The following IL1RAPL2 variants were observed in gnomAD, a reference collection of about 807,000 sequenced individuals.
IL1RAPL2 encodes interleukin 1 receptor accessory protein like 2.
IL1RAPL2 carries 3 observed loss-of-function variants against 44.1 expected under a neutral mutation model. The observed-to-expected ratio is 0.07, with a 90% CI of 0.03 to 0.18. The LOEUF is 0.18. Ranked by LOEUF, IL1RAPL2 falls within the 10% of genes least tolerant of loss-of-function variation. IL1RAPL2 has a pLI of 1.00. For synonymous variants in IL1RAPL2, 181 were observed against 178.8 expected, an observed-to-expected ratio of 1.01 and a Z score of -0.10; for missense variants, 391 against 496.4, an observed-to-expected ratio of 0.79 and a Z score of 2.02.
rs1391012050 is a variant in IL1RAPL2 at position 104,915,940 on chromosome X, T to A, written c.82+256945T>A. On this transcript the variant is annotated intron_variant, in intron 2 of 10. Coordinates refer to ENST00000372582, the MANE Select transcript of IL1RAPL2 (RefSeq NM_017416.2). ...TCCATTGATCTATATCTCTGTTTTC[T>A]TACCAGTACCATGCTCTTTTGGTTA... Among the ~76,000 whole-genome samples, 3 of 112,097 alleles carry A rather than the reference T, an allele frequency of 2.7e-5. No homozygotes were observed. In the East Asian group the frequency reaches 8.4e-4, roughly 32 times the overall value.
intron 2 of IL1RAPL2, among the ~76,000 whole-genome samples, chrX:105,014,723 A>G (rs2031135904): frequency 8.9e-6 from 1 of 112,421 alleles, no homozygotes; most frequent in African/African-American, 3.2e-5. Flanking sequence ...ATTGATGGGC[A>G]TTTGGGTTGG....
At chrX:104,636,089 G>C (rs914148561) in intron 1 of IL1RAPL2, among the ~76,000 whole-genome samples, 26 of 112,156 alleles carry the variant, frequency 2.3e-4, no homozygotes, top group African/African-American at 8.1e-4. Context: ...CAAGTCTGTT[G>C]GAATTTTCTG....
intron 6 of IL1RAPL2, among the ~76,000 whole-genome samples, chrX:105,606,805 A>G (rs2037295841): frequency 9.0e-6 from 1 of 111,492 alleles, no homozygotes; most frequent in African/African-American, 3.2e-5. Context: ...CAGAAATATA[A>G]ATACAGTATG....
In IL1RAPL2 at chrX:105,717,506, T is replaced by A. The variant is rs200536260; in HGVS notation, c.902+10T>A. ...GAGAAGGTGAAATAAGGTAGAGAGC[T>A]TGAATTGCTTATCTTTCTTTGCTGT... On this transcript the variant is annotated intron_variant, in intron 7 of 10. Coordinates refer to ENST00000372582, the MANE Select transcript of IL1RAPL2 (RefSeq NM_017416.2). 1.5e-4 allele frequency: 175 copies of A among 1,184,641 alleles called. No homozygotes were observed. In the African/African-American group the frequency reaches 2.8e-3, roughly 19 times the overall value.
At chrX:105,647,984 G>A (rs1479158970) in intron 6 of IL1RAPL2, among the ~76,000 whole-genome samples, 1 of 111,847 alleles carries the variant, frequency 8.9e-6, no homozygotes, top group Non-Finnish European at 1.9e-5. Context: ...CAATGACTCA[G>A]TAGCCATAGC....
intron 2 of IL1RAPL2, among the ~76,000 whole-genome samples, chrX:105,168,082 A>C (rs1187494093): frequency 9.0e-6 from 1 of 111,704 alleles, no homozygotes; most frequent in Non-Finnish European, 1.9e-5. Flanking sequence ...GAAGTAATAT[A>C]ATCCTGAGTT....
chrX:105,736,623 T>C (rs1159098502), intron 7 of IL1RAPL2, among the ~76,000 whole-genome samples: 1 of 110,972 alleles, frequency 9.0e-6, no homozygotes, highest in Non-Finnish European at 1.9e-5. Context: ...GTAAAAATGC[T>C]CAACATCACT....
At chrX:104,710,110 A>G (rs781237507) in intron 2 of IL1RAPL2, among the ~76,000 whole-genome samples, 10 of 111,357 alleles carry the variant, frequency 9.0e-5, no homozygotes, top group Non-Finnish European at 1.7e-4. Context: ...GAATTGCCAT[A>G]TGACCCAGCA....
At chrX:104,696,260 G>A (rs772959015) in intron 2 of IL1RAPL2, among the ~76,000 whole-genome samples, 1 of 112,236 alleles carries the variant, frequency 8.9e-6, no homozygotes, top group East Asian at 2.8e-4. Flanking sequence ...AAAGAGAGGG[G>A]TAAAGCAAAT....
intron 2 of IL1RAPL2, among the ~76,000 whole-genome samples, chrX:105,067,218 G>A (rs111534756): frequency 2.0e-4 from 22 of 110,708 alleles, no homozygotes; most frequent in Admixed American, 2.9e-4. Context: ...ACACACACAC[G>A]CGCACACACA....
chrX:104,673,874 T>A (rs1930677527), intron 2 of IL1RAPL2, among the ~76,000 whole-genome samples: 1 of 109,526 alleles, frequency 9.1e-6, no homozygotes, highest in South Asian at 4.1e-4. Flanking sequence ...TGAATGGGAG[T>A]TCACTCATGA....
intron 2 of IL1RAPL2, among the ~76,000 whole-genome samples, chrX:105,185,599 C>A (rs2033577212): frequency 1.8e-5 from 2 of 111,149 alleles, no homozygotes; most frequent in South Asian, 7.6e-4. Flanking sequence ...GTTAATGAGG[C>A]AGAGGTGGAA....
intron 5 of IL1RAPL2, among the ~76,000 whole-genome samples, chrX:105,453,703 G>A (rs1243722812): frequency 5.4e-5 from 6 of 111,728 alleles, no homozygotes; most frequent in African/African-American, 1.3e-4. Flanking sequence ...TCTAGGGCAA[G>A]GAAAATAGTC....
intron 2 of IL1RAPL2, among the ~76,000 whole-genome samples, chrX:104,890,294 G>A (rs752069391): frequency 2.7e-5 from 3 of 111,894 alleles, no homozygotes; most frequent in East Asian, 5.6e-4. Context: ...ATGATTTATA[G>A]TCCTTTGGGT....
intron 10 of IL1RAPL2, among the ~76,000 whole-genome samples, chrX:105,764,757 GTT>G (rs750466263): frequency 2.7e-5 from 3 of 111,091 alleles, no homozygotes; most frequent in Non-Finnish European, 5.7e-5. Context: ...AGAGAGCTGT[GTT>G]TGTGCCACTG....
rs1427558022 is a variant in IL1RAPL2 at position 105,733,528 on chromosome X, T to C, written c.903-7018T>C. On this transcript the variant is annotated intron_variant, in intron 7 of 10. Coordinates refer to ENST00000372582, the MANE Select transcript of IL1RAPL2 (RefSeq NM_017416.2). ...TTCTTTCGTAATTGTTCCTAAACTC[T>C]TGGACATTTTTTACATTATTTTTTG... is the stretch of plus-strand genomic sequence containing the variant. Among the ~76,000 whole-genome samples, 11 of 111,576 alleles carry C rather than the reference T, an allele frequency of 9.9e-5. No individual in the cohort carries two copies. In the Admixed American group the frequency reaches 1.1e-3, roughly 11 times the overall value.
rs150794186 is a variant in IL1RAPL2 at position 105,219,948 on chromosome X, C to T, written c.357-13870C>T. The T allele has an allele frequency of 9.9e-3, 11,690 of 1,181,511 alleles. 76 individuals are homozygous for T. The highest frequency in any genetic ancestry group is 0.041 in the African/African-American group (2,314 of 56,916). Reference sequence around the variant, plus strand: ...AGTTGAGGGATCTTACTGCATGGAGCGGCTTCCAACTCACCTTGTCTCTCT... The same window carrying T: ...AGTTGAGGGATCTTACTGCATGGAGTGGCTTCCAACTCACCTTGTCTCTCT... On this transcript the variant is annotated intron_variant, in intron 3 of 10. Transcript: ENST00000372582.
At chrX:104,909,091 A>G (rs1272943291) in intron 2 of IL1RAPL2, among the ~76,000 whole-genome samples, 1 of 110,894 alleles carries the variant, frequency 9.0e-6, no homozygotes, top group Non-Finnish European at 1.9e-5. Context: ...CATTTCATTC[A>G]TTTCGTCTTC....
chrX:104,908,524 G>T (rs1323977360), intron 2 of IL1RAPL2, among the ~76,000 whole-genome samples: 1 of 110,839 alleles, frequency 9.0e-6, no homozygotes, highest in Non-Finnish European at 1.9e-5. Context: ...CTCAGCATTT[G>T]CTCGTCTGTA....
Sources: allele counts gnomAD v4.1 joint callset (sites outside exome capture counted in the v4.1 genomes callset), GRCh38; gene constraint gnomAD v4.1.1; transcripts MANE v1.5; gene names NCBI Gene and HGNC (gene_info 2026-07-23, HGNC 2026-07-21).